Variants in IL1RAPL1 observed in about 807,000 individuals in gnomAD.
The protein encoded by IL1RAPL1 is interleukin 1 receptor accessory protein like 1.
In IL1RAPL1, 3 loss-of-function variants were observed where a neutral mutation model predicts 48.4. That is an observed-to-expected ratio of 0.06 (90% CI 0.03 to 0.16). IL1RAPL1 has a LOEUF of 0.16. Among genes scored for constraint, IL1RAPL1 ranks in the 10% least tolerant of loss-of-function variants. IL1RAPL1 has a pLI of 1.00. For synonymous variants in IL1RAPL1, 185 were observed against 187.7 expected, an observed-to-expected ratio of 0.99 and a Z score of 0.12; for missense variants, 349 against 530.6, an observed-to-expected ratio of 0.66 and a Z score of 3.36.
intron 2 of IL1RAPL1, among the ~76,000 whole-genome samples, chrX:28,994,168 G>A (rs376986399): frequency 3.6e-5 from 4 of 111,429 alleles, no homozygotes; most frequent in African/African-American, 9.8e-5. Context: ...CCAAATTGAA[G>A]CCAATAAGGA....
intron 2 of IL1RAPL1, among the ~76,000 whole-genome samples, chrX:28,793,281 T>C (rs1204249309): frequency 9.0e-6 from 1 of 110,570 alleles, no homozygotes; most frequent in Non-Finnish European, 1.9e-5. Flanking sequence ...TTGGAGAATC[T>C]TTGTATCTCA....
At chrX:29,870,190 G>T in intron 6 of IL1RAPL1, among the ~76,000 whole-genome samples, 1 of 112,243 alleles carries the variant, frequency 8.9e-6, no homozygotes, top group Non-Finnish European at 1.9e-5. Context: ...ACAGAGAAAT[G>T]AAAGAATAAA....
chrX:29,149,269 C>G (rs778154729), intron 2 of IL1RAPL1, among the ~76,000 whole-genome samples: 1 of 110,545 alleles, frequency 9.0e-6, no homozygotes, highest in East Asian at 2.9e-4. Flanking sequence ...TGCATTTGGA[C>G]TTGCCTAATC....
chrX:29,856,277 G>C (rs781093414), intron 6 of IL1RAPL1, among the ~76,000 whole-genome samples: 11 of 111,464 alleles, frequency 9.9e-5, no homozygotes, highest in Non-Finnish European at 1.5e-4. Context: ...GGTAAAGCCT[G>C]GAATCCTTGA....
chrX:29,686,703 G>A (rs1292882296), intron 6 of IL1RAPL1, among the ~76,000 whole-genome samples: 2 of 108,768 alleles, frequency 1.8e-5, no homozygotes, highest in African/African-American at 3.3e-5. Context: ...GACTACAGGC[G>A]CCCGCCACCA....
At chrX:29,769,074 C>T (rs754725221) in intron 6 of IL1RAPL1, among the ~76,000 whole-genome samples, 1 of 111,558 alleles carries the variant, frequency 9.0e-6, no homozygotes, top group African/African-American at 3.3e-5. Flanking sequence ...AACCACTAAT[C>T]TGTTTTCTGT....
chrX:28,971,872 A>G (rs1925079976), intron 2 of IL1RAPL1, among the ~76,000 whole-genome samples: 1 of 72,088 alleles, frequency 1.4e-5, no homozygotes, highest in Non-Finnish European at 2.4e-5. Context: ...AATAACTCTG[A>G]AAATTGTGTG....
intron 2 of IL1RAPL1, among the ~76,000 whole-genome samples, chrX:29,084,284 CAG>C (rs982054219): frequency 2.7e-5 from 3 of 112,195 alleles, no homozygotes; most frequent in African/African-American, 9.7e-5. Flanking sequence ...TGTGATGAAA[CAG>C]ACTTCAGATG....
At chrX:29,875,269 T>A (rs1482840798) in intron 6 of IL1RAPL1, among the ~76,000 whole-genome samples, 1 of 111,621 alleles carries the variant, frequency 9.0e-6, no homozygotes, top group Non-Finnish European at 1.9e-5. Flanking sequence ...ACTCATGGTT[T>A]CAGAAACATG....
At chrX:29,549,674 C>A (rs1203043860) in intron 5 of IL1RAPL1, among the ~76,000 whole-genome samples, 1 of 111,564 alleles carries the variant, frequency 9.0e-6, no homozygotes, top group African/African-American at 3.3e-5. Context: ...AAAAGGAGAG[C>A]AGAGCAAATA....
chrX:29,863,506 A>G (rs1438468491), intron 6 of IL1RAPL1, among the ~76,000 whole-genome samples: 1 of 111,879 alleles, frequency 8.9e-6, no homozygotes, highest in Non-Finnish European at 1.9e-5. Context: ...CATTATAAGG[A>G]ATAACATTGG....
intron 2 of IL1RAPL1, among the ~76,000 whole-genome samples, chrX:29,244,659 C>T (rs1300348524): frequency 8.9e-6 from 1 of 112,267 alleles, no homozygotes; most frequent in African/African-American, 3.2e-5. Flanking sequence ...ATTGTATCTA[C>T]AATATATGTC....
At chrX:29,267,495 A>G (rs1047630364) in intron 2 of IL1RAPL1, among the ~76,000 whole-genome samples, 1 of 112,091 alleles carries the variant, frequency 8.9e-6, no homozygotes, top group Non-Finnish European at 1.9e-5. Flanking sequence ...ATACACATAC[A>G]TAGCACAGCC....
At chrX:29,228,604 C>T (rs1460626646) in intron 2 of IL1RAPL1, among the ~76,000 whole-genome samples, 2 of 110,751 alleles carry the variant, frequency 1.8e-5, no homozygotes, top group African/African-American at 6.6e-5. Context: ...CCACCCGCCT[C>T]GTCCTCCCAA....
At chrX:29,912,467 G>GT (rs1191489074) in intron 6 of IL1RAPL1, among the ~76,000 whole-genome samples, 2 of 111,997 alleles carry the variant, frequency 1.8e-5, no homozygotes, top group African/African-American at 6.5e-5. Context: ...GGAATGCATA[G>GT]TCAAGTTGCT....
At chrX:28,651,621 A>G (rs1262173092) in intron 1 of IL1RAPL1, among the ~76,000 whole-genome samples, 1 of 112,364 alleles carries the variant, frequency 8.9e-6, no homozygotes, top group Non-Finnish European at 1.9e-5. Context: ...CTCTTTCACT[A>G]TGTTATAAAA....
At chrX:29,799,950 G>A (rs1211237069) in intron 6 of IL1RAPL1, among the ~76,000 whole-genome samples, 2 of 111,771 alleles carry the variant, frequency 1.8e-5, no homozygotes, top group East Asian at 5.6e-4. Flanking sequence ...GGAGTTGGTT[G>A]CCTGGAAATG....
intron 2 of IL1RAPL1, among the ~76,000 whole-genome samples, chrX:28,959,947 G>C (rs1924723211): frequency 8.9e-6 from 1 of 111,825 alleles, no homozygotes. Flanking sequence ...TGAACATGAT[G>C]TAATGTAACT....
chrX:29,395,595 G>C (rs1265691718), intron 3 of IL1RAPL1, among the ~76,000 whole-genome samples: 1 of 111,703 alleles, frequency 9.0e-6, no homozygotes, highest in African/African-American at 3.3e-5. Flanking sequence ...ATCAGGATGG[G>C]GTTGTTCTTA....
Sources: gnomAD v4.1 joint callset for allele counts (sites outside exome capture counted in the v4.1 genomes callset) on GRCh38, gnomAD v4.1.1 for gene constraint, MANE v1.5 for transcripts, NCBI Gene and HGNC (gene_info 2026-07-23, HGNC 2026-07-21) for gene names.